Variants in XIRP2 observed in about 807,000 individuals in gnomAD.
XIRP2 encodes xin actin binding repeat containing 2.
Under a neutral mutation model 277.0 loss-of-function variants are expected in XIRP2, and 236 were observed. The ratio of observed to expected loss-of-function variants is 0.85; its 90% CI spans 0.77 to 0.95. The LOEUF (loss-of-function observed/expected upper bound fraction) is 0.95, where lower values mean the gene tolerates loss of function less well. Among genes scored for constraint, XIRP2 ranks in the 40% least tolerant of loss-of-function variants. XIRP2 has a pLI of 0.00. For synonymous variants in XIRP2, 1,490 were observed against 1,416.5 expected (o/e 1.05, Z -1.17); for missense variants, 4,640 against 4,157.5 (o/e 1.12, Z -3.19).
intron 2 of XIRP2, among the ~76,000 whole-genome samples, chr2:166,951,304 C>A (rs2105395763): frequency 6.6e-6 from 1 of 151,978 alleles, no homozygotes; most frequent in Admixed American, 6.6e-5. Context: ...GGAAGCATGG[C>A]AGCATCAGCT....
chr2:167,003,587 G>T (rs1454782689), intron 2 of XIRP2, among the ~76,000 whole-genome samples: 1 of 151,886 alleles, frequency 6.6e-6, no homozygotes, highest in Admixed American at 6.6e-5. Flanking sequence ...ATGTAACTCA[G>T]TATGGTTGGG....
At position 166,918,616 on chromosome 2, in the gene XIRP2, G is replaced by A. The variant is rs77850886; in HGVS notation, c.408+14726G>A. On this transcript the variant is annotated intron_variant, in intron 2 of 10. Coordinates refer to ENST00000409195, the MANE Select transcript of XIRP2 (RefSeq NM_152381.6). ...AAAGACTGAGAAATTACCATGGGTC[G>A]GAAAAAACTAAAGTGGCATGAAAAC... 1.5e-3 allele frequency among the ~76,000 whole-genome samples: 230 copies of A among 151,898 alleles called. 7 individuals are homozygous for A. The East Asian group carries it at 0.04, about 26-fold the overall frequency.
chr2:167,134,982 T>C (rs1388065212), intron 2 of XIRP2, among the ~76,000 whole-genome samples: 2 of 152,130 alleles, frequency 1.3e-5, no homozygotes, highest in African/African-American at 4.8e-5. Context: ...GAATTTTTCA[T>C]TTCATATTGT....
intron 2 of XIRP2, among the ~76,000 whole-genome samples, chr2:167,105,802 C>T (rs1690602603): frequency 6.6e-6 from 1 of 151,682 alleles, no homozygotes; most frequent in South Asian, 2.1e-4. Context: ...TTTTCCACAC[C>T]CTTGGAGCAT....
intron 2 of XIRP2, among the ~76,000 whole-genome samples, chr2:166,904,665 A>G (rs1245305122): frequency 2.6e-5 from 4 of 152,094 alleles, no homozygotes; most frequent in Non-Finnish European, 4.4e-5. Context: ...ACTTGAATTT[A>G]TTTCACTCAT....
Position 167,258,849 on chromosome 2 carries a change from A to G in XIRP2, c.*1032A>G. On this transcript the variant is annotated 3_prime_UTR_variant, in exon 11 of 11. Coordinates refer to ENST00000409195, the MANE Select transcript of XIRP2 (RefSeq NM_152381.6). Reference sequence around the variant, plus strand: ...GAGTTACTTGGTATATTTGAATCTGAAAAGACTTATTCGAGGAATGTACTA... The same window carrying G: ...GAGTTACTTGGTATATTTGAATCTGGAAAGACTTATTCGAGGAATGTACTA... 6.2e-7 allele frequency: 1 copy of G among 1,613,212 alleles called. No homozygotes were observed. The highest frequency in any genetic ancestry group is 8.5e-7 in the Non-Finnish European group (1 of 1,179,594).
intron 2 of XIRP2, among the ~76,000 whole-genome samples, chr2:166,906,365 C>T (rs1177383957): frequency 6.6e-6 from 1 of 151,800 alleles, no homozygotes; most frequent in Admixed American, 6.6e-5. Flanking sequence ...AATAGACATA[C>T]ATAAACATAC....
At chr2:167,041,166 C>T (rs898467047) in intron 2 of XIRP2, among the ~76,000 whole-genome samples, 2 of 152,194 alleles carry the variant, frequency 1.3e-5, no homozygotes, top group African/African-American at 2.4e-5. Flanking sequence ...CCTTGGCCCC[C>T]TGAAATCATC....
At chr2:167,219,253 G>A (rs1384395851) in intron 5 of XIRP2, among the ~76,000 whole-genome samples, 2 of 151,982 alleles carry the variant, frequency 1.3e-5, no homozygotes, top group Admixed American at 6.6e-5. Context: ...TAAATTTATG[G>A]CAAGATTTCT....
At chr2:167,025,192 T>G (rs1014356412) in intron 2 of XIRP2, among the ~76,000 whole-genome samples, 3 of 152,210 alleles carry the variant, frequency 2.0e-5, no homozygotes, top group Non-Finnish European at 2.9e-5. Flanking sequence ...GGAGGGTGTA[T>G]GTGTCGAGGA....
At chr2:167,014,905 T>TG in intron 2 of XIRP2, among the ~76,000 whole-genome samples, 1 of 151,952 alleles carries the variant, frequency 6.6e-6, no homozygotes, top group East Asian at 1.9e-4. Context: ...CTAAACCTCG[T>TG]GCTTTTTAAC....
chr2:166,937,398 T>C (rs1685549462), intron 2 of XIRP2, among the ~76,000 whole-genome samples: 1 of 152,222 alleles, frequency 6.6e-6, no homozygotes, highest in Non-Finnish European at 1.5e-5. Context: ...ATTTATTTAT[T>C]TGTGTATGTT....
chr2:167,258,550 T>C lies in XIRP2; in HGVS notation c.*733T>C, dbSNP rs759913218. 5 of 1,612,754 alleles carry C rather than the reference T, an allele frequency of 3.1e-6. No individual in the cohort carries two copies. The South Asian group carries it at 5.5e-5, about 18-fold the overall frequency. On this transcript the variant is annotated 3_prime_UTR_variant, in exon 11 of 11. Transcript: ENST00000409195. ...ACAACAATAATGTGATTGTGCAGAG[T>C]GCTGAAAAGGAGAAAAATGAAAAAA...
intron 2 of XIRP2, among the ~76,000 whole-genome samples, chr2:166,972,223 C>T (rs933408496): frequency 1.4e-4 from 21 of 152,132 alleles, no homozygotes; most frequent in Non-Finnish European, 2.8e-4. Context: ...GACACTGAAC[C>T]TTCCTGCACC....
At chr2:167,194,026 G>A (rs949046799) in intron 3 of XIRP2, among the ~76,000 whole-genome samples, 24 of 151,892 alleles carry the variant, frequency 1.6e-4, no homozygotes, top group African/African-American at 5.6e-4. Context: ...TATAAAAGGA[G>A]TTTCAGGGGT....
Position 167,250,858 on chromosome 2 carries a change from A to C in XIRP2, c.9466A>C (p.Arg3156=), listed in dbSNP as rs373167856. The change falls in exon 9 of 11, where the codon AGA becomes CGA. Residue 3156 remains arginine (R), a synonymous_variant. Transcript: ENST00000409195. The part of the protein sequence containing the change: ...KKDSYVEPPP[R]RPMSQKSEIH... ...GGACAGTTATGTTGAACCCCCACCAAGAAGGCCCATGTCGCAAAAATCTGA... is the reference window on the plus strand; with the variant it reads ...GGACAGTTATGTTGAACCCCCACCACGAAGGCCCATGTCGCAAAAATCTGA... The C allele has an allele frequency of 9.6e-5, 155 of 1,613,406 alleles. No individual in the cohort carries two copies. The highest frequency in any genetic ancestry group is 1.6e-4 in the Middle Eastern group (1 of 6,076).
chr2:167,212,034 C>G (rs1480130571), intron 4 of XIRP2, among the ~76,000 whole-genome samples: 1 of 152,136 alleles, frequency 6.6e-6, no homozygotes, highest in Non-Finnish European at 1.5e-5. Flanking sequence ...TAACATGCTT[C>G]TTTACAAATT....
chr2:166,941,410 C>T lies in XIRP2; in HGVS notation c.408+37520C>T, dbSNP rs191314063. On this transcript the variant is annotated intron_variant, in intron 2 of 10. Coordinates refer to ENST00000409195, the MANE Select transcript of XIRP2 (RefSeq NM_152381.6). ...GCACTTCCCAGGTAAGGCGATGCCT[C>T]GCCCTGCTTTGGCTCACGCTCAGTG... Among the ~76,000 whole-genome samples the T allele has an allele frequency of 2.1e-3, 313 of 152,318 alleles. 1 individual carries two copies. Among genetic ancestry groups the T allele is most frequent in the African/African-American group, 7.0e-3 (293 of 41,580 alleles).
At chr2:166,895,315 C>T (rs1256102005) in intron 1 of XIRP2, among the ~76,000 whole-genome samples, 1 of 152,118 alleles carries the variant, frequency 6.6e-6, no homozygotes, top group African/African-American at 2.4e-5. Context: ...TGGCAATTTG[C>T]AATTTTTTGT....
Sources: allele counts gnomAD v4.1 joint callset (sites outside exome capture counted in the v4.1 genomes callset), GRCh38; gene constraint gnomAD v4.1.1; transcripts MANE v1.5; gene names NCBI Gene and HGNC (gene_info 2026-07-23, HGNC 2026-07-21).